DENND1B: variants seen among roughly 807,000 people sequenced by gnomAD.
DENND1B encodes the protein DENN domain-containing protein 1B.
A neutral mutation model predicts 90.1 loss-of-function variants in DENND1B; 59 were observed. That is an observed-to-expected ratio of 0.65 (90% confidence interval 0.53 to 0.81). The LOEUF is 0.81. Among genes scored for constraint, DENND1B ranks in the 40% least tolerant of loss-of-function variants. The pLI, the probability that DENND1B is intolerant of heterozygous loss-of-function variation, is 0.00. For synonymous variants in DENND1B, 337 were observed against 324.6 expected (o/e 1.04, Z -0.41); for missense variants, 862 against 912.6 (o/e 0.94, Z 0.71).
intron 18 of DENND1B, among the ~76,000 whole-genome samples, chr1:197,541,317 T>C (rs1275820845): frequency 2.0e-5 from 3 of 152,164 alleles, no homozygotes; most frequent in Admixed American, 2.0e-4. Context: ...CAGATTACAA[T>C]GTTAAAACTG....
chr1:197,717,013 T>A (rs1389620281), intron 2 of DENND1B, among the ~76,000 whole-genome samples: 1 of 151,926 alleles, frequency 6.6e-6, no homozygotes, highest in East Asian at 1.9e-4. Context: ...ATCTATTGGT[T>A]TAAGCACAAA....
At position 197,704,879 on chromosome 1, in the gene DENND1B, C is replaced by T. The variant is rs185957158; in HGVS notation, c.126+10152G>A. On this transcript the variant is annotated intron_variant, in intron 3 of 22. Coordinates refer to ENST00000620048, the MANE Select transcript of DENND1B (RefSeq NM_001195215.2). The stretch of plus-strand genomic sequence containing the variant: ...ATAAAGCTAAAAATTTAAGAGTAAA[C>T]GCTTTTGAGTCAGACAAACATGTCT... Among the ~76,000 whole-genome samples, 140 of 151,920 alleles carry T rather than the reference C, an allele frequency of 9.2e-4. 1 individual carries two copies. The highest frequency in any genetic ancestry group is 2.6e-3 in the African/African-American group (106 of 41,432).
At chr1:197,754,358 C>T (rs1297578525) in intron 2 of DENND1B, among the ~76,000 whole-genome samples, 1 of 152,018 alleles carries the variant, frequency 6.6e-6, no homozygotes, top group East Asian at 1.9e-4. Flanking sequence ...CATACACAGT[C>T]GGCCCATATA....
chr1:197,583,815 A>G (rs1674458189), intron 14 of DENND1B, among the ~76,000 whole-genome samples: 1 of 152,168 alleles, frequency 6.6e-6, no homozygotes. Context: ...TATTTTTGCA[A>G]GCGTCTTGTG....
At chr1:197,769,081 T>C (rs1260842119) in intron 2 of DENND1B, among the ~76,000 whole-genome samples, 1 of 152,108 alleles carries the variant, frequency 6.6e-6, no homozygotes, top group Non-Finnish European at 1.5e-5. Context: ...CTATGAAAAA[T>C]GAACAAGAGA....
intron 10 of DENND1B, among the ~76,000 whole-genome samples, chr1:197,621,096 T>C (rs1678115236): frequency 6.6e-6 from 1 of 151,122 alleles, no homozygotes; most frequent in Admixed American, 6.6e-5. Flanking sequence ...GGGAAGTCAG[T>C]GAGATCAGAC....
intron 15 of DENND1B, among the ~76,000 whole-genome samples, chr1:197,577,154 T>C (rs1053930216): frequency 6.6e-6 from 1 of 152,006 alleles, no homozygotes; most frequent in Non-Finnish European, 1.5e-5. Flanking sequence ...ATGAAGTCAA[T>C]ATAAAAAAGA....
At chr1:197,536,160 T>G (rs200903881) in intron 20 of DENND1B, among the ~76,000 whole-genome samples, 61 of 126,290 alleles carry the variant, frequency 4.8e-4, no homozygotes, top group Middle Eastern at 4.1e-3. Context: ...GAGAGAGAGA[T>G]AGATGAGATG....
chr1:197,579,155 G>A (rs1171339674), intron 15 of DENND1B, among the ~76,000 whole-genome samples: 3 of 152,126 alleles, frequency 2.0e-5, no homozygotes, highest in Admixed American at 2.0e-4. Context: ...TCCTTTCATA[G>A]CAAAACCTAA....
chr1:197,726,666 A>G (rs534838950), intron 2 of DENND1B, among the ~76,000 whole-genome samples: 103 of 152,336 alleles, frequency 6.8e-4, no homozygotes, highest in Non-Finnish European at 1.2e-3. Flanking sequence ...GCAATTCCTC[A>G]GTACTTATGA....
At chr1:197,590,555 A>G (rs890996986) in intron 14 of DENND1B, among the ~76,000 whole-genome samples, 1 of 152,184 alleles carries the variant, frequency 6.6e-6, no homozygotes, top group African/African-American at 2.4e-5. Context: ...TTATTTGCCA[A>G]TCATGCCAAG....
intron 10 of DENND1B, among the ~76,000 whole-genome samples, chr1:197,627,768 A>T (rs908396946): frequency 6.6e-6 from 1 of 152,182 alleles, no homozygotes; most frequent in African/African-American, 2.4e-5. Context: ...ATTATTGTAT[A>T]TATAGAAAAC....
At chr1:197,542,374 T>C (rs1481984986) in intron 18 of DENND1B, among the ~76,000 whole-genome samples, 1 of 152,166 alleles carries the variant, frequency 6.6e-6, no homozygotes, top group East Asian at 1.9e-4. Flanking sequence ...CAGGATGGAA[T>C]CATTATTTGC....
chr1:197,669,452 A>G (rs1315432931), intron 5 of DENND1B, among the ~76,000 whole-genome samples: 2 of 152,126 alleles, frequency 1.3e-5, no homozygotes, highest in Non-Finnish European at 2.9e-5. Context: ...TTACAAATAG[A>G]CATTTACCTA....
chr1:197,705,079 A>G (rs1438253900), intron 3 of DENND1B, among the ~76,000 whole-genome samples: 1 of 152,220 alleles, frequency 6.6e-6, no homozygotes, highest in Non-Finnish European at 1.5e-5. Context: ...AGTGAAACAA[A>G]GAGCTTTTTA....
Position 197,642,751 on chromosome 1 carries a change from T to A in DENND1B, c.632A>T (p.His211Leu). 6.2e-7 allele frequency: 1 copy of A among 1,613,724 alleles called. No individual in the cohort carries two copies. The highest frequency in any genetic ancestry group is 8.5e-7 in the Non-Finnish European group (1 of 1,179,814). Residue 211 changes from histidine (H) to leucine (L), a missense_variant, in exon 10 of 23, where the codon CAT (histidine) becomes CTT (leucine). Transcript: ENST00000620048. Reference protein sequence around the residue: ...NMLQLYASMLHERRIVIISSK... With the variant: ...NMLQLYASMLLERRIVIISSK... ...CGAGATAATCACGATGCGCCTTTCA[T>A]GCAGCATACTGGCATACAGCTGCAG...
At chr1:197,746,829 C>A in intron 2 of DENND1B, 1 of 1,611,488 alleles carries the variant, frequency 6.2e-7, no homozygotes, top group Non-Finnish European at 8.5e-7. Flanking sequence ...TTTTTGGGGG[C>A]AGCCTGTGAA....
chr1:197,576,889 A>G (rs1381354913), intron 15 of DENND1B, among the ~76,000 whole-genome samples: 4 of 152,146 alleles, frequency 2.6e-5, no homozygotes, highest in Non-Finnish European at 5.9e-5. Context: ...ATTATTTTGA[A>G]TATCTATTTA....
intron 3 of DENND1B, among the ~76,000 whole-genome samples, chr1:197,675,956 T>C (rs16841865): frequency 0.024 from 3,675 of 151,834 alleles, 158 homozygotes; most frequent in African/African-American, 0.083. Flanking sequence ...TACACTTCTG[T>C]GAAACAGCCT....
Sources: gnomAD v4.1 joint callset for allele counts (sites outside exome capture counted in the v4.1 genomes callset) on GRCh38, gnomAD v4.1.1 for gene constraint, MANE v1.5 for transcripts, NCBI Gene and HGNC (gene_info 2026-07-23, HGNC 2026-07-21) for gene names.